The following B3GALT1 variants were observed in gnomAD, a reference collection of about 807,000 sequenced individuals.
B3GALT1 encodes the protein beta-1,3-galactosyltransferase 1.
In B3GALT1, 10 loss-of-function variants were observed where a neutral mutation model predicts 23.2. The ratio of observed to expected loss-of-function variants is 0.43; its 90% confidence interval spans 0.27 to 0.73. The LOEUF (loss-of-function observed/expected upper bound fraction) is 0.73. Ranked by LOEUF, B3GALT1 falls within the 30% of genes least tolerant of loss-of-function variation. The pLI, the probability that B3GALT1 is intolerant of heterozygous loss-of-function variation, is 0.21. For missense variants in B3GALT1, 299 were observed against 405.4 expected (o/e 0.74, Z 2.25); for synonymous variants, 156 against 141.5 (o/e 1.10, Z -0.73).
At chr2:167,465,964 A>G (rs1699338405) in intron 1 of B3GALT1, among the ~76,000 whole-genome samples, 1 of 152,096 alleles carries the variant, frequency 6.6e-6, no homozygotes, top group African/African-American at 2.4e-5. Context: ...GCTCAGTGAC[A>G]TTATCTGCAG....
intron 1 of B3GALT1, among the ~76,000 whole-genome samples, chr2:167,322,273 A>G (rs1466072895): frequency 6.6e-6 from 1 of 151,906 alleles, no homozygotes; most frequent in East Asian, 1.9e-4. Flanking sequence ...GAACATTCCT[A>G]AAAATATATT....
intron 3 of B3GALT1, among the ~76,000 whole-genome samples, chr2:167,653,933 A>G (rs754386290): frequency 6.6e-6 from 1 of 152,132 alleles, no homozygotes; most frequent in Non-Finnish European, 1.5e-5. Context: ...TGTTGAAGTT[A>G]CCTATTCACA....
chr2:167,654,013 A>C lies in B3GALT1; in HGVS notation c.-352+7047A>C, dbSNP rs1347798875. Among the ~76,000 whole-genome samples the C allele has an allele frequency of 2.0e-5, 3 of 152,172 alleles. No individual in the cohort carries two copies. The East Asian group carries it at 5.8e-4, about 29-fold the overall frequency. On this transcript the variant is annotated intron_variant, in intron 3 of 4. Coordinates refer to ENST00000392690, the MANE Select transcript of B3GALT1 (RefSeq NM_020981.4). Reference sequence around the variant, plus strand: ...GTTAGACAAGAAACAGGAGATGCCAACCTGGCTACCTGAATGGACCATCCT... The same window carrying C: ...GTTAGACAAGAAACAGGAGATGCCACCCTGGCTACCTGAATGGACCATCCT...
chr2:167,354,064 A>T (rs1055406667), intron 1 of B3GALT1, among the ~76,000 whole-genome samples: 40 of 152,172 alleles, frequency 2.6e-4, no homozygotes, highest in African/African-American at 9.2e-4. Flanking sequence ...CACCTGCGGG[A>T]TGCAGTAAGT....
At chr2:167,653,809 C>T (rs533870294) in intron 3 of B3GALT1, among the ~76,000 whole-genome samples, 1 of 152,308 alleles carries the variant, frequency 6.6e-6, no homozygotes, top group African/African-American at 2.4e-5. Context: ...TGCCAGTGCC[C>T]TGGTGGGAGT....
chr2:167,680,991 A>T, intron 3 of B3GALT1, among the ~76,000 whole-genome samples: 1 of 152,214 alleles, frequency 6.6e-6, no homozygotes, highest in East Asian at 1.9e-4. Flanking sequence ...TTCTTTTAAA[A>T]TTTGTAATTG....
At chr2:167,804,574 G>C (rs761761873) in intron 3 of B3GALT1, among the ~76,000 whole-genome samples, 1 of 151,922 alleles carries the variant, frequency 6.6e-6, no homozygotes, top group African/African-American at 2.4e-5. Context: ...GAGAACATGC[G>C]GTGTTTGGTT....
intron 1 of B3GALT1, among the ~76,000 whole-genome samples, chr2:167,317,872 A>G (rs1400928072): frequency 6.6e-6 from 1 of 152,146 alleles, no homozygotes; most frequent in Non-Finnish European, 1.5e-5. Context: ...GCAAATAGAT[A>G]AATTCCAACA....
intron 1 of B3GALT1, among the ~76,000 whole-genome samples, chr2:167,331,316 T>A (rs1431513564): frequency 1.3e-5 from 2 of 152,186 alleles, no homozygotes; most frequent in African/African-American, 4.8e-5. Flanking sequence ...AGGCTGATTC[T>A]TGAGCCTCCA....
chr2:167,512,340 T>C lies in B3GALT1; in HGVS notation c.-410+22063T>C, dbSNP rs555768911. Among the ~76,000 whole-genome samples the C allele has an allele frequency of 2.0e-5, 3 of 151,334 alleles. No homozygotes were observed. In the South Asian group the frequency reaches 6.3e-4, roughly 32 times the overall value. The stretch of plus-strand genomic sequence containing the variant: ...ATTTTGTCAAATTCTTATATGTCTA[T>C]TGAGATTATCCTATTTTTCATCATT... On this transcript the variant is annotated intron_variant, in intron 2 of 4. Transcript: ENST00000392690.
At chr2:167,535,894 T>C (rs1416558626) in intron 2 of B3GALT1, among the ~76,000 whole-genome samples, 1 of 152,296 alleles carries the variant, frequency 6.6e-6, no homozygotes, top group East Asian at 1.9e-4. Context: ...ATTGGTTGTC[T>C]AGTGTAGCAA....
chr2:167,468,170 T>C (rs1168954263), intron 1 of B3GALT1, among the ~76,000 whole-genome samples: 2 of 152,144 alleles, frequency 1.3e-5, no homozygotes, highest in African/African-American at 4.8e-5. Flanking sequence ...TGAAGGACTG[T>C]AATCTTATAG....
intron 2 of B3GALT1, among the ~76,000 whole-genome samples, chr2:167,513,088 AAAAGT>A: frequency 6.7e-6 from 1 of 148,384 alleles, no homozygotes; most frequent in African/African-American, 2.5e-5. Context: ...AAAAAAAAAA[AAAAGT>A]GGAATCACTC....
intron 1 of B3GALT1, among the ~76,000 whole-genome samples, chr2:167,404,704 A>G (rs1046194048): frequency 1.3e-5 from 2 of 152,160 alleles, no homozygotes; most frequent in African/African-American, 4.8e-5. Flanking sequence ...CATCTCTATT[A>G]ACAAGAGCGT....
At chr2:167,379,760 A>G (rs2689838) in intron 1 of B3GALT1, among the ~76,000 whole-genome samples, 143,892 of 152,310 alleles carry the variant, frequency 0.94, 68,222 homozygotes, top group Non-Finnish European at 0.99. Flanking sequence ...GGGCAGGTCC[A>G]CCTATAGGTC....
chr2:167,783,433 C>T (rs1688281831), intron 3 of B3GALT1, among the ~76,000 whole-genome samples: 1 of 152,106 alleles, frequency 6.6e-6, no homozygotes, highest in African/African-American at 2.4e-5. Flanking sequence ...CCCTTCCCAC[C>T]TCCACCTAAC....
At position 167,603,926 on chromosome 2, in the gene B3GALT1, G is replaced by A. The variant is rs565831274; in HGVS notation, c.-409-42983G>A. Among the ~76,000 whole-genome samples, 323 of 151,398 alleles carry A rather than the reference G, an allele frequency of 2.1e-3. 3 individuals are homozygous for A. Among genetic ancestry groups the A allele is most frequent in the African/African-American group, 7.3e-3 (300 of 41,274 alleles). Reference sequence around the variant, plus strand: ...TTTTCAAATCACATAGAACAAAAACGACTGCAATTTTGAATAATTTAAAAT... The same window carrying A: ...TTTTCAAATCACATAGAACAAAAACAACTGCAATTTTGAATAATTTAAAAT... On this transcript the variant is annotated intron_variant, in intron 2 of 4. Coordinates refer to ENST00000392690, the MANE Select transcript of B3GALT1 (RefSeq NM_020981.4).
intron 2 of B3GALT1, among the ~76,000 whole-genome samples, chr2:167,536,107 A>G (rs1683419346): frequency 6.6e-6 from 1 of 152,072 alleles, no homozygotes. Context: ...TGATTTCACT[A>G]TGTTGATCAG....
chr2:167,447,183 G>T (rs893894040), intron 1 of B3GALT1, among the ~76,000 whole-genome samples: 1 of 152,112 alleles, frequency 6.6e-6, no homozygotes, highest in Admixed American at 6.5e-5. Context: ...AGCTAATATC[G>T]CAGAACAGCA....
Sources: gnomAD v4.1 joint callset for allele counts (sites outside exome capture counted in the v4.1 genomes callset) on GRCh38, gnomAD v4.1.1 for gene constraint, MANE v1.5 for transcripts, NCBI Gene and HGNC (gene_info 2026-07-23, HGNC 2026-07-21) for gene names.